Variants in VPS13D observed in about 807,000 individuals in gnomAD.
The protein encoded by VPS13D is vacuolar protein sorting 13 homolog D.
Under a neutral mutation model 461.9 loss-of-function variants are expected in VPS13D, and 187 were observed. That is an observed-to-expected ratio of 0.40 (90% CI 0.36 to 0.46). The LOEUF is 0.46. VPS13D is among the 20% of genes least tolerant of loss of function. The probability of loss-of-function intolerance (pLI) is 0.60; values close to 1 mark genes in which losing one functional copy is unlikely to be tolerated. For synonymous variants in VPS13D, 1,951 were observed against 1,986.3 expected, an observed-to-expected ratio of 0.98 and a Z score of 0.47; for missense variants, 4,711 against 5,364.9, an observed-to-expected ratio of 0.88 and a Z score of 3.81.
At chr1:12,381,926 C>CT (rs1365247728) in intron 57 of VPS13D, among the ~76,000 whole-genome samples, 14,146 of 44,016 alleles carry the variant, frequency 0.32, 825 homozygotes, top group Non-Finnish European at 0.38. Context: ...CTTTTCTTTT[C>CT]TTTCTTTCTT....
intron 43 of VPS13D, 83 bp downstream of exon 43, chr1:12,345,592 A>G (rs865774851): frequency 6.6e-7 from 1 of 1,504,048 alleles, no homozygotes; most frequent in Middle Eastern, 1.8e-4. Flanking sequence ...TACTCTAATG[A>G]AACTTTCTTG....
chr1:12,322,057 T>G (rs1044608318), intron 33 of VPS13D, 93 bp downstream of exon 33: 5 of 1,512,522 alleles, frequency 3.3e-6, no homozygotes, highest in Non-Finnish European at 4.5e-6. Context: ...ACAACCTCTT[T>G]TTTTGTTTTG....
Position 12,276,757 on chromosome 1 carries a change from A to C in VPS13D, c.3169A>C (p.Thr1057Pro). The change falls in exon 19 of 70, where the codon ACA becomes CCA. Residue 1057 changes from threonine to proline, a missense_variant. By Grantham distance (38) the Thr-to-Pro change is conservative. Transcript: ENST00000620676. This position sits in a 1 kb window ranked among gnomAD's most constrained non-coding sequence, Gnocchi z 4.5. ...PNVAHLTDGATLNDRSATSVS... is the reference protein window; with the variant it reads ...PNVAHLTDGAPLNDRSATSVS... ...TGTGGCCCACTTAACTGATGGAGCTACACTGAACGACCGATCAGCTACTAG... is the reference window on the plus strand; with the variant it reads ...TGTGGCCCACTTAACTGATGGAGCTCCACTGAACGACCGATCAGCTACTAG... 1 of 1,614,210 alleles carries C rather than the reference A, an allele frequency of 6.2e-7. No individual in the cohort carries two copies. Among genetic ancestry groups the C allele is most frequent in the Non-Finnish European group, 8.5e-7 (1 of 1,180,038 alleles).
At chr1:12,343,433 G>A (rs1325843867) in intron 42 of VPS13D, among the ~76,000 whole-genome samples, 3 of 152,004 alleles carry the variant, frequency 2.0e-5, no homozygotes, top group Non-Finnish European at 2.9e-5. Flanking sequence ...GCTTCCCAAA[G>A]TGCTGGGATT....
intron 23 of VPS13D, among the ~76,000 whole-genome samples, chr1:12,293,323 C>A (rs556442579): frequency 1.3e-5 from 2 of 152,308 alleles, no homozygotes; most frequent in South Asian, 4.1e-4. Context: ...TGTTTATACT[C>A]CTGGCTATCA....
intron 68 of VPS13D, among the ~76,000 whole-genome samples, chr1:12,498,583 G>A (rs926101586): frequency 6.6e-6 from 1 of 152,168 alleles, no homozygotes; most frequent in African/African-American, 2.4e-5. Context: ...GGTGTTATTA[G>A]AAGGTCTCTT....
At chr1:12,320,234 C>T (rs1048250071) in intron 32 of VPS13D, among the ~76,000 whole-genome samples, 3 of 152,132 alleles carry the variant, frequency 2.0e-5, no homozygotes, top group African/African-American at 4.8e-5. Flanking sequence ...CTTTGTAGCT[C>T]GGAAATGTCA....
In VPS13D at chr1:12,460,393, C is replaced by G. The variant is rs1645393830; in HGVS notation, c.12659C>G (p.Pro4220Arg). 1 of 1,591,018 alleles carries G rather than the reference C, an allele frequency of 6.3e-7. No individual in the cohort carries two copies. The highest frequency in any genetic ancestry group is 8.6e-7 in the Non-Finnish European group (1 of 1,168,090). The change falls in exon 67 of 70, where the codon CCC becomes CGC. Residue 4220 changes from proline (P) to arginine (R), a missense_variant. Physicochemically the swap from Pro to Arg is moderately radical, Grantham distance 103. Transcript: ENST00000620676. ...AVRDTATLSG[P>R]RTQAQRVRKP... ...AGAGACACAGCCACACTCAGCGGCC[C>G]CAGGTCAGTGGTGTGGGAAGAATGG...
At position 12,244,971 on chromosome 1, in the gene VPS13D, C is replaced by T. The variant is rs1468756233; in HGVS notation, c.447+354C>T. The stretch of plus-strand genomic sequence containing the variant: ...CTTGACCTTGATGACTGTATGGTTT[C>T]AGGGTAAATCACTTCACCTCTCTGG... On this transcript the variant is annotated intron_variant, in intron 5 of 69. Coordinates refer to ENST00000620676, the MANE Select transcript of VPS13D (RefSeq NM_015378.4). 2.0e-5 allele frequency among the ~76,000 whole-genome samples: 3 copies of T among 152,306 alleles called. No homozygotes were observed. In the East Asian group the frequency reaches 5.8e-4, roughly 29 times the overall value.
At chr1:12,325,725 A>G (rs1238027215) in intron 35 of VPS13D, among the ~76,000 whole-genome samples, 14 of 152,234 alleles carry the variant, frequency 9.2e-5, no homozygotes. Context: ...TTAATATATC[A>G]GCAGCATCTT....
intron 25 of VPS13D, among the ~76,000 whole-genome samples, chr1:12,303,486 G>A (rs1178126628): frequency 2.0e-5 from 3 of 152,220 alleles, no homozygotes; most frequent in Non-Finnish European, 4.4e-5. Flanking sequence ...TAAACTAAGT[G>A]AGAGGGAAAG....
intron 65 of VPS13D, among the ~76,000 whole-genome samples, chr1:12,449,380 A>G (rs1035015152): frequency 6.6e-6 from 1 of 150,536 alleles, no homozygotes; most frequent in Non-Finnish European, 1.5e-5. Flanking sequence ...GCCAAACCTC[A>G]ACTTGTTCCG....
At chr1:12,467,147 CT>C (rs1414718225) in intron 67 of VPS13D, among the ~76,000 whole-genome samples, 1 of 152,040 alleles carries the variant, frequency 6.6e-6, no homozygotes, top group African/African-American at 2.4e-5. Context: ...TGAAATTAAG[CT>C]GATGAAATTA....
intron 10 of VPS13D, among the ~76,000 whole-genome samples, chr1:12,259,861 C>G (rs1641049143): frequency 6.6e-6 from 1 of 152,118 alleles, no homozygotes; most frequent in South Asian, 2.1e-4. Flanking sequence ...CTAGGGCCTG[C>G]ACACTTCCTG....
At chr1:12,288,932 C>T (rs1354619495) in intron 22 of VPS13D, among the ~76,000 whole-genome samples, 4 of 152,168 alleles carry the variant, frequency 2.6e-5, no homozygotes, top group African/African-American at 9.7e-5. Context: ...GCCTCTGCCT[C>T]CTGGATTCAA....
intron 60 of VPS13D, among the ~76,000 whole-genome samples, chr1:12,394,542 T>C (rs1644470591): frequency 6.6e-6 from 1 of 152,200 alleles, no homozygotes; most frequent in South Asian, 2.1e-4. Flanking sequence ...TTCCCACCGT[T>C]AGATCTGACA....
At position 12,473,171 on chromosome 1, in the gene VPS13D, G is replaced by A. The variant is rs1405324091; in HGVS notation, c.12662+12775G>A. Among the ~76,000 whole-genome samples, 1 of 152,184 alleles carries A rather than the reference G, an allele frequency of 6.6e-6. No individual in the cohort carries two copies. The highest frequency in any genetic ancestry group is 1.5e-5 in the Non-Finnish European group (1 of 68,024). ...ACTTAGATCCTGGGTGCTGATGGGTGTTTTGTAGTTTCCAAGGGAAGTTGC... is the reference window on the plus strand; with the variant it reads ...ACTTAGATCCTGGGTGCTGATGGGTATTTTGTAGTTTCCAAGGGAAGTTGC... On this transcript the variant is annotated intron_variant, in intron 67 of 69. Transcript: ENST00000620676. This position sits in a 1 kb window ranked among gnomAD's most constrained non-coding sequence, Gnocchi z 4.2.
intron 50 of VPS13D, among the ~76,000 whole-genome samples, chr1:12,361,397 TTA>T (rs1215204970): frequency 1.2e-4 from 17 of 144,586 alleles, no homozygotes; most frequent in Admixed American, 9.0e-4. Flanking sequence ...ATTTATTTAT[TTA>T]TTTATTTTTT....
In VPS13D at chr1:12,400,196, A is replaced by G. The variant is rs754692261; in HGVS notation, c.11650A>G (p.Ile3884Val). Residue 3884 changes from isoleucine to valine, a missense_variant, in exon 61 of 70, where the codon ATT becomes GTT. This residue lies in a region of VPS13D where 4,411 missense variants were observed against 4,937.8 expected (regional missense o/e 0.89). Coordinates refer to ENST00000620676, the MANE Select transcript of VPS13D (RefSeq NM_015378.4). ...IQDVQVDNQL[I>V]GTTQPFMLYV... Reference sequence around the variant, plus strand: ...ATGGCCGTAGGTGGACAATCAGCTCATTGGTACCACGCAGCCCTTCATGCT... The same window carrying G: ...ATGGCCGTAGGTGGACAATCAGCTCGTTGGTACCACGCAGCCCTTCATGCT... 5 of 1,613,892 alleles carry G rather than the reference A, an allele frequency of 3.1e-6. No individual in the cohort carries two copies. The African/African-American group carries it at 6.7e-5, about 22-fold the overall frequency.
Sources: gnomAD v4.1 joint callset for allele counts (sites outside exome capture counted in the v4.1 genomes callset) on GRCh38, gnomAD v4.1.1 for gene constraint, gnomAD v4.1.1 regional missense constraint, Gnocchi (gnomAD v3.1) non-coding constraint, MANE v1.5 for transcripts, NCBI Gene and HGNC (gene_info 2026-07-23, HGNC 2026-07-21) for gene names.